The following LRRIQ1 variants were observed in gnomAD, a reference collection of about 807,000 sequenced individuals.
LRRIQ1 encodes the protein leucine-rich repeat- and IQ domain-containing protein 1.
Under a neutral mutation model 211.9 loss-of-function variants are expected in LRRIQ1, and 210 were observed. The ratio of observed to expected loss-of-function variants is 0.99; its 90% confidence interval spans 0.89 to 1.11. The LOEUF is 1.11. Ranked by LOEUF, LRRIQ1 falls within the 50% of genes most tolerant of loss-of-function variation. LRRIQ1 has a pLI of 0.00. For synonymous variants in LRRIQ1, 699 were observed against 650.1 expected (o/e 1.08, Z -1.14); for missense variants, 2,136 against 1,939.5 (o/e 1.10, Z -1.90).
chr12:85,101,532 T>C (rs144412498), intron 13 of LRRIQ1, among the ~76,000 whole-genome samples: 1 of 151,958 alleles, frequency 6.6e-6, no homozygotes, highest in Non-Finnish European at 1.5e-5. Context: ...TGTGACAAGG[T>C]CAAATGGTTT....
In LRRIQ1 at chr12:85,106,622, A is replaced by T. The variant is rs1247976957; in HGVS notation, c.3377+7A>T. ...TTCAAGAAACAAACTGGAGGTAAAG[A>T]GGCATTGTTGCACCCCATGTATATC... On this transcript the variant is annotated splice_region_variant and intron_variant, in intron 15 of 26. Coordinates refer to ENST00000393217, the MANE Select transcript of LRRIQ1 (RefSeq NM_001079910.2). 5 of 1,588,630 alleles carry T rather than the reference A, an allele frequency of 3.1e-6. No individual in the cohort carries two copies. Among genetic ancestry groups the T allele is most frequent in the Non-Finnish European group, 4.3e-6 (5 of 1,157,906 alleles).
intron 10 of LRRIQ1, among the ~76,000 whole-genome samples, chr12:85,072,307 T>G (rs1297954893): frequency 6.6e-6 from 1 of 152,022 alleles, no homozygotes; most frequent in African/African-American, 2.4e-5. Flanking sequence ...TTTCTGTTTT[T>G]GGAACTTATT....
intron 11 of LRRIQ1, among the ~76,000 whole-genome samples, chr12:85,078,315 A>T (rs971896952): frequency 6.6e-6 from 1 of 152,108 alleles, no homozygotes; most frequent in East Asian, 1.9e-4. Flanking sequence ...ATTATTTTTA[A>T]TCCTCATAAT....
chr12:85,129,820 C>T (rs1046724524), intron 18 of LRRIQ1, among the ~76,000 whole-genome samples: 1 of 152,156 alleles, frequency 6.6e-6, no homozygotes, highest in Non-Finnish European at 1.5e-5. Context: ...GTCGAGTTTA[C>T]TCTCTGTCAC....
downstream of LRRIQ1, among the ~76,000 whole-genome samples, chr12:85,265,390 G>A (rs1369770149): frequency 6.6e-6 from 1 of 151,924 alleles, no homozygotes; most frequent in Non-Finnish European, 1.5e-5. Flanking sequence ...AGACCCCTAA[G>A]GGGTCTATGG....
At chr12:85,180,763 A>G (rs1891941334) in intron 24 of LRRIQ1, among the ~76,000 whole-genome samples, 1 of 151,994 alleles carries the variant, frequency 6.6e-6, no homozygotes, top group African/African-American at 2.4e-5. Flanking sequence ...TATCAGGAAC[A>G]GTAGCCATTT....
chr12:85,197,208 GA>G, intron 24 of LRRIQ1, among the ~76,000 whole-genome samples: 1 of 152,020 alleles, frequency 6.6e-6, no homozygotes, highest in South Asian at 2.1e-4. Flanking sequence ...GGAGAAATAG[GA>G]ACACTTTTAC....
At position 85,077,120 on chromosome 12, in the gene LRRIQ1, C is replaced by T. The variant is rs543585528; in HGVS notation, c.2887+4022C>T. On this transcript the variant is annotated intron_variant, in intron 11 of 26. Coordinates refer to ENST00000393217, the MANE Select transcript of LRRIQ1 (RefSeq NM_001079910.2). ...ATCAGACATGGCAATCAGTGAACAG[C>T]TGAAGGAGGTTGATCTTCAGTGAAA... Among the ~76,000 whole-genome samples the T allele has an allele frequency of 1.2e-3, 190 of 152,254 alleles. 1 individual carries two copies. The highest frequency in any genetic ancestry group is 1.9e-3 in the Non-Finnish European group (131 of 68,020).
rs138277797 is a variant in LRRIQ1, at chr12:85,136,900, A to G, written c.4210-950A>G. On this transcript the variant is annotated intron_variant, in intron 18 of 26. Transcript: ENST00000393217. ...ATGAAACATTTTTTATATTTTAGGC[A>G]TTTCTTTCTGTTTCATATTTACTTA... is the stretch of plus-strand genomic sequence containing the variant. 7.9e-3 allele frequency among the ~76,000 whole-genome samples: 1,202 copies of G among 151,718 alleles called. 8 individuals carry two copies. Among genetic ancestry groups the G allele is most frequent in the Non-Finnish European group, 0.013 (872 of 67,796 alleles).
chr12:85,115,660 T>G (rs933924389), intron 15 of LRRIQ1, among the ~76,000 whole-genome samples: 1 of 152,168 alleles, frequency 6.6e-6, no homozygotes, highest in African/African-American at 2.4e-5. Context: ...GACCAAAATA[T>G]AGTATTTCAT....
intron 24 of LRRIQ1, among the ~76,000 whole-genome samples, chr12:85,206,647 G>A (rs892879197): frequency 6.6e-6 from 1 of 151,960 alleles, no homozygotes; most frequent in African/African-American, 2.4e-5. Flanking sequence ...GGTTGGAGAG[G>A]GTGTGGGTGG....
At chr12:85,172,274 ACTC>A (rs1347722356) in intron 24 of LRRIQ1, among the ~76,000 whole-genome samples, 5 of 152,104 alleles carry the variant, frequency 3.3e-5, no homozygotes, top group African/African-American at 1.2e-4. Flanking sequence ...CTCATAGGAC[ACTC>A]TGTATTTCTG....
At chr12:85,039,085 A>G (rs992647020) in intron 2 of LRRIQ1, among the ~76,000 whole-genome samples, 1 of 151,326 alleles carries the variant, frequency 6.6e-6, no homozygotes, top group Non-Finnish European at 1.5e-5. Context: ...AAAAATTAAC[A>G]TTGTTACATT....
At chr12:85,039,637 C>G (rs1878623510) in intron 2 of LRRIQ1, among the ~76,000 whole-genome samples, 1 of 151,620 alleles carries the variant, frequency 6.6e-6, no homozygotes. Context: ...GAAAATAAAG[C>G]TGGCTGTAAA....
intron 13 of LRRIQ1, among the ~76,000 whole-genome samples, chr12:85,100,261 A>G (rs1483526520): frequency 6.6e-6 from 1 of 151,734 alleles, no homozygotes; most frequent in Non-Finnish European, 1.5e-5. Flanking sequence ...TATTTGGGCA[A>G]TTTAAGTTAT....
At chr12:85,084,841 A>G (rs953198835) in intron 11 of LRRIQ1, among the ~76,000 whole-genome samples, 1 of 151,846 alleles carries the variant, frequency 6.6e-6, no homozygotes, top group African/African-American at 2.4e-5. Context: ...TGGAAGGATC[A>G]CTTGAACCCA....
downstream of LRRIQ1, among the ~76,000 whole-genome samples, chr12:85,249,470 CTG>C (rs1354735627): frequency 1.3e-5 from 2 of 151,750 alleles, no homozygotes. Flanking sequence ...TAATTCCACA[CTG>C]TGTGAACTCA....
intron 17 of LRRIQ1, 135 bp from the exon 18 acceptor site, chr12:85,127,697 A>G (rs1236104956): frequency 2.9e-5 from 21 of 719,690 alleles, no homozygotes; most frequent in South Asian, 1.0e-4. Flanking sequence ...TGGTTAAACA[A>G]AAGAAGTGGT....
At chr12:85,173,842 A>T (rs1407980891) in intron 24 of LRRIQ1, among the ~76,000 whole-genome samples, 1 of 152,124 alleles carries the variant, frequency 6.6e-6, no homozygotes, top group Non-Finnish European at 1.5e-5. Context: ...GTACACAAAT[A>T]TTTAGACCAT....
Sources: allele counts gnomAD v4.1 joint callset (sites outside exome capture counted in the v4.1 genomes callset), GRCh38; gene constraint gnomAD v4.1.1; transcripts MANE v1.5; gene names NCBI Gene and HGNC (gene_info 2026-07-23, HGNC 2026-07-21).